BAZ1B: variants seen among roughly 807,000 people sequenced by gnomAD.
BAZ1B encodes the protein tyrosine-protein kinase BAZ1B.
In BAZ1B, 22 loss-of-function variants were observed where a neutral mutation model predicts 153.8. That is an observed-to-expected ratio of 0.14 (90% CI 0.10 to 0.20). The LOEUF is 0.20. BAZ1B is among the 10% of genes least tolerant of loss of function. The pLI, the probability that BAZ1B is intolerant of heterozygous loss-of-function variation, is 1.00. For synonymous variants in BAZ1B, 676 were observed against 633.4 expected, an observed-to-expected ratio of 1.07 and a Z score of -1.01; for missense variants, 1,325 against 1,799.3, an observed-to-expected ratio of 0.74 and a Z score of 4.77.
chr7:73,509,499 T>C (rs1187523889), intron 2 of BAZ1B, among the ~76,000 whole-genome samples: 1 of 151,482 alleles, frequency 6.6e-6, no homozygotes, highest in African/African-American at 2.4e-5. Flanking sequence ...GTGGGAGGAT[T>C]GCTTGAGCCC....
At chr7:73,460,998 G>A (rs1055507339) in intron 12 of BAZ1B, among the ~76,000 whole-genome samples, 4 of 151,502 alleles carry the variant, frequency 2.6e-5, no homozygotes, top group East Asian at 3.9e-4. Context: ...TTTTTGAGAC[G>A]GAGTTTTGCT....
chr7:73,446,615 G>A (rs1407912536), intron 16 of BAZ1B, among the ~76,000 whole-genome samples: 1 of 151,364 alleles, frequency 6.6e-6, no homozygotes, highest in African/African-American at 2.4e-5. Flanking sequence ...AGGCTAGACT[G>A]GAGGACATTA....
chr7:73,488,731 CAA>C (rs1226604385), intron 6 of BAZ1B, among the ~76,000 whole-genome samples: 1 of 142,578 alleles, frequency 7.0e-6, no homozygotes, highest in African/African-American at 2.6e-5. Context: ...AAAAAAAAAA[CAA>C]AAAAAACTTA....
intron 13 of BAZ1B, among the ~76,000 whole-genome samples, chr7:73,455,563 C>G (rs1472772437): frequency 1.3e-5 from 2 of 152,132 alleles, no homozygotes; most frequent in Non-Finnish European, 2.9e-5. Flanking sequence ...GGGTGGATCA[C>G]TTCAGCCCAG....
chr7:73,458,120 C>A (rs1554569805), intron 13 of BAZ1B, among the ~76,000 whole-genome samples: 2 of 152,138 alleles, frequency 1.3e-5, no homozygotes, highest in African/African-American at 4.8e-5. Context: ...GGGCTTGCGA[C>A]TGGCATCTGA....
intron 6 of BAZ1B, among the ~76,000 whole-genome samples, chr7:73,481,516 CAAA>C (rs55689155): frequency 3.6e-5 from 2 of 55,074 alleles, no homozygotes; most frequent in Non-Finnish European, 6.9e-5. Flanking sequence ...GACTCCATCT[CAAA>C]AAAAAAAAAA....
intron 13 of BAZ1B, among the ~76,000 whole-genome samples, chr7:73,454,315 T>C (rs1788119678): frequency 6.6e-6 from 1 of 152,034 alleles, no homozygotes; most frequent in Non-Finnish European, 1.5e-5. Context: ...AAGACATTTT[T>C]AAAAATAAAA....
At chr7:73,442,654 C>G (rs1287605489) in intron 18 of BAZ1B, 71 bp downstream of exon 18, 1 of 1,548,096 alleles carries the variant, frequency 6.5e-7, no homozygotes, top group Non-Finnish European at 8.8e-7. Flanking sequence ...GAGAGCCCCT[C>G]AGGGGCTCTG....
chr7:73,521,492 C>A (rs1791039452), intron 1 of BAZ1B, among the ~76,000 whole-genome samples: 1 of 152,220 alleles, frequency 6.6e-6, no homozygotes, highest in African/African-American at 2.4e-5. Context: ...GCCTCCTCCT[C>A]CCTCTCGGGT....
chr7:73,521,536 T>C (rs1248928648), intron 1 of BAZ1B, among the ~76,000 whole-genome samples: 6 of 151,900 alleles, frequency 3.9e-5, no homozygotes, highest in African/African-American at 1.4e-4. Flanking sequence ...GGGAAGGTAA[T>C]GGGGATGGGG....
At chr7:73,512,379 A>T (rs1218956694) in intron 1 of BAZ1B, among the ~76,000 whole-genome samples, 2 of 151,782 alleles carry the variant, frequency 1.3e-5, no homozygotes, top group Non-Finnish European at 2.9e-5. Context: ...TTCTTCCAAT[A>T]TGGCCAAAAG....
At chr7:73,518,986 A>G (rs1790923574) in intron 1 of BAZ1B, among the ~76,000 whole-genome samples, 2 of 151,952 alleles carry the variant, frequency 1.3e-5, no homozygotes, top group Non-Finnish European at 2.9e-5. Flanking sequence ...TGATTCTGAT[A>G]AAGTTAGTGT....
chr7:73,462,732 T>G, intron 12 of BAZ1B, 190 bp downstream of exon 12: 2 of 619,048 alleles, frequency 3.2e-6, no homozygotes, highest in Non-Finnish European at 5.5e-6. Flanking sequence ...TTTTTCTGGA[T>G]AGCAGCAAAA....
intron 3 of BAZ1B, among the ~76,000 whole-genome samples, chr7:73,502,313 T>C (rs1186190900): frequency 6.6e-6 from 1 of 152,134 alleles, no homozygotes; most frequent in African/African-American, 2.4e-5. Context: ...CCCCTCTATA[T>C]TGGGACAATG....
Position 73,489,233 on chromosome 7 carries a change from C to A in BAZ1B, c.852G>T (p.Leu284=). ...VEDELVKKYS[L]PSKFSDFLLD... The stretch of plus-strand genomic sequence containing the variant: ...GTAAAAAGTCACTGAACTTGCTGGG[C>A]AGAGAGTATTTCTTCACCAATTCAT... The change falls in exon 6 of 20, where the codon CTG becomes CTT. Residue 284 remains leucine, a synonymous_variant. Coordinates refer to ENST00000339594, the MANE Select transcript of BAZ1B (RefSeq NM_032408.4). 1 of 1,614,172 alleles carries A rather than the reference C, an allele frequency of 6.2e-7. No homozygotes were observed. Among genetic ancestry groups the A allele is most frequent in the Non-Finnish European group, 8.5e-7 (1 of 1,180,038 alleles).
Position 73,498,646 on chromosome 7 carries a change from T to A in BAZ1B, c.422A>T (p.Glu141Val), listed in dbSNP as rs1554576690. Residue 141 changes from glutamate to valine, a missense_variant, in exon 4 of 20, where the codon GAG becomes GTG. Glu to Val is a moderately radical substitution (Grantham distance 121). Around this residue, in one of 9 missense-constraint regions of BAZ1B, gnomAD observed 153 missense variants for 204.8 expected, o/e 0.75. Coordinates refer to ENST00000339594, the MANE Select transcript of BAZ1B (RefSeq NM_032408.4). ...CTCAGTGGCCTCTTCATCCACTTTC[T>A]CCAAAGGATGAATCTTCACAATCTT... ...KVKIVKIHPL[E>V]KVDEEATEKK... 1.2e-6 allele frequency: 2 copies of A among 1,614,142 alleles called. No individual in the cohort carries two copies. Among genetic ancestry groups the A allele is most frequent in the Admixed American group, 3.3e-5 (2 of 60,012 alleles).
At chr7:73,481,886 A>C (rs1789215779) in intron 6 of BAZ1B, among the ~76,000 whole-genome samples, 1 of 151,966 alleles carries the variant, frequency 6.6e-6, no homozygotes, top group African/African-American at 2.4e-5. Context: ...AAATACAAAA[A>C]AAATTAGCCT....
At chr7:73,490,888 A>G (rs1419669909) in intron 5 of BAZ1B, among the ~76,000 whole-genome samples, 2 of 151,332 alleles carry the variant, frequency 1.3e-5, no homozygotes, top group Admixed American at 1.3e-4. Flanking sequence ...TACAGGCATG[A>G]GCCACCGTGC....
In BAZ1B at chr7:73,454,379, G is replaced by T. The variant is rs186592456; in HGVS notation, c.3433-3385C>A. ...CAGCAAGATAATGACACACCACATAGTAAGTGTCTCAGCTTAAGTCATGAA... is the reference window on the plus strand; with the variant it reads ...CAGCAAGATAATGACACACCACATATTAAGTGTCTCAGCTTAAGTCATGAA... On this transcript the variant is annotated intron_variant, in intron 13 of 19. Transcript: ENST00000339594. 1.1e-4 allele frequency among the ~76,000 whole-genome samples: 17 copies of T among 152,234 alleles called. No individual in the cohort carries two copies. The East Asian group carries it at 3.3e-3, about 29-fold the overall frequency.
Sources: gnomAD v4.1 joint callset for allele counts (sites outside exome capture counted in the v4.1 genomes callset) on GRCh38, gnomAD v4.1.1 for gene constraint, gnomAD v4.1.1 regional missense constraint, MANE v1.5 for transcripts, NCBI Gene and HGNC (gene_info 2026-07-23, HGNC 2026-07-21) for gene names.